The following SDK1 variants were observed in gnomAD, a reference collection of about 807,000 sequenced individuals.
SDK1 encodes sidekick cell adhesion molecule 1.
Under a neutral mutation model 245.5 loss-of-function variants are expected in SDK1, and 157 were observed. That is an observed-to-expected ratio of 0.64 (90% confidence interval 0.56 to 0.73). SDK1 has a LOEUF of 0.73. Ranked by LOEUF, SDK1 falls within the 30% of genes least tolerant of loss-of-function variation. The pLI is 0.00. For synonymous variants in SDK1, 1,647 were observed against 1,278.5 expected, an observed-to-expected ratio of 1.29 and a Z score of -6.15; for missense variants, 3,583 against 3,002.3, an observed-to-expected ratio of 1.19 and a Z score of -4.52.
At chr7:4,012,042 C>G (rs1166966208) in intron 15 of SDK1, 53 bp from the exon 16 acceptor site, 14 of 1,347,802 alleles carry the variant, frequency 1.0e-5, no homozygotes, top group Non-Finnish European at 1.4e-5. Context: ...CAAATGGGCC[C>G]CCGCTGTTTC....
At chr7:3,406,436 T>A (rs1203286176) in intron 1 of SDK1, among the ~76,000 whole-genome samples, 1 of 152,158 alleles carries the variant, frequency 6.6e-6, no homozygotes, top group Non-Finnish European at 1.5e-5. Flanking sequence ...TTTTTTCCTC[T>A]CCAATGGACT....
intron 25 of SDK1, among the ~76,000 whole-genome samples, chr7:4,116,572 G>A (rs991889892): frequency 1.1e-4 from 16 of 152,258 alleles, no homozygotes; most frequent in African/African-American, 2.4e-5. Flanking sequence ...AATGCACAGT[G>A]GGTTGCAATG....
intron 5 of SDK1, among the ~76,000 whole-genome samples, chr7:3,861,141 C>T (rs574454720): frequency 1.3e-5 from 2 of 152,148 alleles, no homozygotes; most frequent in African/African-American, 2.4e-5. Context: ...GGGAGACACG[C>T]GTAAGGGTGT....
chr7:3,947,428 T>A (rs1780623497), intron 5 of SDK1, among the ~76,000 whole-genome samples: 1 of 152,204 alleles, frequency 6.6e-6, no homozygotes, highest in Non-Finnish European at 1.5e-5. Flanking sequence ...AAAGATTATC[T>A]ACTGCACAGC....
intron 17 of SDK1, among the ~76,000 whole-genome samples, chr7:4,043,551 T>C (rs1382749521): frequency 6.6e-6 from 1 of 152,176 alleles, no homozygotes; most frequent in Non-Finnish European, 1.5e-5. Flanking sequence ...GAAAATGCCT[T>C]GTTAAATGGG....
At chr7:3,917,174 T>C (rs562803615) in intron 5 of SDK1, among the ~76,000 whole-genome samples, 1 of 152,384 alleles carries the variant, frequency 6.6e-6, no homozygotes, top group Admixed American at 6.5e-5. Context: ...TTTTCAGGCT[T>C]ATTTTTGTCA....
chr7:3,661,116 A>G (rs1438535065), intron 4 of SDK1, among the ~76,000 whole-genome samples: 2 of 152,238 alleles, frequency 1.3e-5, no homozygotes, highest in African/African-American at 4.8e-5. Flanking sequence ...AGTGATCTAG[A>G]TAACCATTTA....
chr7:3,503,030 C>G (rs181160654), intron 1 of SDK1, among the ~76,000 whole-genome samples: 6 of 152,264 alleles, frequency 3.9e-5, no homozygotes, highest in Admixed American at 3.3e-4. Flanking sequence ...GTACTATGTT[C>G]ACAGTGGACT....
intron 8 of SDK1, 68 bp downstream of exon 8, chr7:3,959,082 G>C: frequency 8.5e-7 from 1 of 1,183,072 alleles, no homozygotes; most frequent in South Asian, 1.2e-5. Context: ...TTTTTCCATA[G>C]CAGAATTGCC....
chr7:3,405,468 G>T (rs1779026112), intron 1 of SDK1, among the ~76,000 whole-genome samples: 1 of 152,148 alleles, frequency 6.6e-6, no homozygotes, highest in Non-Finnish European at 1.5e-5. Flanking sequence ...CACAAAATTT[G>T]AATGTATATG....
chr7:4,057,789 C>A (rs1243124962), intron 19 of SDK1, among the ~76,000 whole-genome samples: 1 of 152,210 alleles, frequency 6.6e-6, no homozygotes, highest in Non-Finnish European at 1.5e-5. Context: ...ATCACAGACA[C>A]CACTGATGCT....
intron 5 of SDK1, among the ~76,000 whole-genome samples, chr7:3,935,155 G>T (rs1411424544): frequency 6.6e-6 from 1 of 152,190 alleles, no homozygotes; most frequent in Non-Finnish European, 1.5e-5. Flanking sequence ...TTGGTGAATG[G>T]TGAGTGCCAG....
intron 5 of SDK1, among the ~76,000 whole-genome samples, chr7:3,928,544 C>T (rs1779857541): frequency 6.6e-6 from 1 of 151,308 alleles, no homozygotes; most frequent in African/African-American, 2.4e-5. Context: ...TTCTACTCTG[C>T]AGTAGAAACA....
chr7:3,900,844 C>A (rs1781763381), intron 5 of SDK1, among the ~76,000 whole-genome samples: 1 of 152,128 alleles, frequency 6.6e-6, no homozygotes, highest in African/African-American at 2.4e-5. Context: ...CAGCGATCTT[C>A]AACATAACCA....
chr7:4,138,995 G>A (rs1779281011), intron 28 of SDK1, among the ~76,000 whole-genome samples: 1 of 152,148 alleles, frequency 6.6e-6, no homozygotes, highest in Non-Finnish European at 1.5e-5. Context: ...TTCAAGGGGT[G>A]CCCCCAACAG....
chr7:4,162,308 T>C (rs1044785169), intron 32 of SDK1, among the ~76,000 whole-genome samples: 4 of 151,996 alleles, frequency 2.6e-5, no homozygotes, highest in African/African-American at 4.8e-5. Context: ...ATCTACCGGA[T>C]TGTACATATT....
At chr7:3,883,871 C>G (rs1329610465) in intron 5 of SDK1, among the ~76,000 whole-genome samples, 2 of 152,152 alleles carry the variant, frequency 1.3e-5, no homozygotes, top group Non-Finnish European at 2.9e-5. Context: ...CTCCTTCACT[C>G]AAACGTCCAC....
At chr7:3,372,381 G>A (rs759514802) in intron 1 of SDK1, among the ~76,000 whole-genome samples, 11 of 152,108 alleles carry the variant, frequency 7.2e-5, no homozygotes, top group Admixed American at 6.5e-5. Flanking sequence ...AAAATCCAGG[G>A]CTAGGCAAAT....
chr7:3,950,981 A>C lies in SDK1; in HGVS notation c.906A>C (p.Arg302Ser). Residue 302 changes from arginine to serine, a missense_variant, in exon 6 of 45, where the codon AGA becomes AGC. Physicochemically the swap from Arg to Ser is moderately radical, Grantham distance 110. Coordinates refer to ENST00000404826, the MANE Select transcript of SDK1 (RefSeq NM_152744.4). ...APTIVVPPGN[R>S]SVVAGSSETT... ...CCATTGTGGTTCCCCCGGGCAACAG[A>C]AGTGTGGTGGCTGGATCCAGTGAGA... The C allele has an allele frequency of 6.2e-7, 1 of 1,614,026 alleles. No individual in the cohort carries two copies. Among genetic ancestry groups the C allele is most frequent in the Non-Finnish European group, 8.5e-7 (1 of 1,179,990 alleles).
Sources: allele counts gnomAD v4.1 joint callset (sites outside exome capture counted in the v4.1 genomes callset), GRCh38; gene constraint gnomAD v4.1.1; transcripts MANE v1.5; gene names NCBI Gene and HGNC (gene_info 2026-07-23, HGNC 2026-07-21).